GRIK1: variants seen among roughly 807,000 people sequenced by gnomAD.
GRIK1 encodes glutamate ionotropic receptor kainate type subunit 1, also known as glutamate receptor ionotropic, kainate 1.
GRIK1 carries 69 observed loss-of-function variants against 105.7 expected under a neutral mutation model. The observed-to-expected ratio is 0.65, with a 90% CI of 0.54 to 0.80. The LOEUF (loss-of-function observed/expected upper bound fraction) is 0.80. Ranked by LOEUF, GRIK1 falls within the 30% of genes least tolerant of loss-of-function variation. The probability of loss-of-function intolerance (pLI) is 0.00; values close to 1 mark genes in which losing one functional copy is unlikely to be tolerated. For missense variants in GRIK1, 1,109 were observed against 1,167.3 expected (o/e 0.95, Z 0.73); for synonymous variants, 438 against 431.3 (o/e 1.02, Z -0.19).
intron 3 of GRIK1, among the ~76,000 whole-genome samples, chr21:29,679,791 T>A (rs970859814): frequency 6.6e-6 from 1 of 152,200 alleles, no homozygotes; most frequent in African/African-American, 2.4e-5. Context: ...AGGTATGAAT[T>A]AAACCGTAAC....
chr21:29,870,471 TA>T (rs2068969894), intron 1 of GRIK1, among the ~76,000 whole-genome samples: 1 of 151,738 alleles, frequency 6.6e-6, no homozygotes, highest in African/African-American at 2.4e-5. Context: ...TATTTTACAC[TA>T]AATAAAATGT....
chr21:29,716,161 T>C (rs1208007380), intron 1 of GRIK1, among the ~76,000 whole-genome samples: 4 of 152,208 alleles, frequency 2.6e-5, no homozygotes, highest in Non-Finnish European at 4.4e-5. Flanking sequence ...GTAAGTTTCC[T>C]GAGGCCTCCC....
intron 1 of GRIK1, among the ~76,000 whole-genome samples, chr21:29,938,180 G>C (rs1470547759): frequency 6.6e-6 from 1 of 152,222 alleles, no homozygotes; most frequent in African/African-American, 2.4e-5. Flanking sequence ...AATTTCAACT[G>C]CTCAGGAAGC....
intron 1 of GRIK1, among the ~76,000 whole-genome samples, chr21:29,836,817 G>T (rs2067821537): frequency 6.6e-6 from 1 of 152,140 alleles, no homozygotes; most frequent in Admixed American, 6.5e-5. Context: ...GAAGTATAAA[G>T]CTTAGTTATC....
At chr21:29,792,800 G>A (rs2066456639) in intron 1 of GRIK1, among the ~76,000 whole-genome samples, 1 of 152,134 alleles carries the variant, frequency 6.6e-6, no homozygotes, top group South Asian at 2.1e-4. Context: ...GAAAGTGACA[G>A]TACAAACGTA....
chr21:29,731,597 A>G (rs146056130), intron 1 of GRIK1, among the ~76,000 whole-genome samples: 6 of 152,314 alleles, frequency 3.9e-5, no homozygotes, highest in African/African-American at 9.6e-5. Flanking sequence ...AATTTGCTCC[A>G]TTTTAATTTT....
At chr21:29,653,002 T>C (rs947196680) in intron 5 of GRIK1, among the ~76,000 whole-genome samples, 1 of 152,236 alleles carries the variant, frequency 6.6e-6, no homozygotes, top group African/African-American at 2.4e-5. Flanking sequence ...CAATACTGCC[T>C]TTTAAAGCAT....
intron 1 of GRIK1, among the ~76,000 whole-genome samples, chr21:29,789,811 C>A (rs572695104): frequency 5.3e-5 from 8 of 152,036 alleles, no homozygotes; most frequent in Non-Finnish European, 7.4e-5. Flanking sequence ...GCAGTAGAAA[C>A]CTGTAGAGAA....
intron 1 of GRIK1, among the ~76,000 whole-genome samples, chr21:29,870,363 A>C (rs1296821351): frequency 6.6e-6 from 1 of 152,146 alleles, no homozygotes; most frequent in African/African-American, 2.4e-5. Context: ...AATTTGCGAT[A>C]TCAATTGCCA....
intron 1 of GRIK1, among the ~76,000 whole-genome samples, chr21:29,843,453 A>G (rs1352075935): frequency 1.3e-5 from 2 of 152,242 alleles, no homozygotes; most frequent in African/African-American, 4.8e-5. Context: ...GATATGAAAC[A>G]TTACACAGAT....
chr21:29,883,394 A>C (rs2069497038), intron 1 of GRIK1, among the ~76,000 whole-genome samples: 1 of 152,042 alleles, frequency 6.6e-6, no homozygotes, highest in Non-Finnish European at 1.5e-5. Context: ...ATAGATTTGC[A>C]ATGGTTTTAC....
At chr21:29,934,005 T>A (rs1301308379) in intron 1 of GRIK1, among the ~76,000 whole-genome samples, 2 of 64,792 alleles carry the variant, frequency 3.1e-5, no homozygotes, top group Non-Finnish European at 7.2e-5. Context: ...TTAGAATATT[T>A]CCTATGTTAT....
rs566550112 is a variant in GRIK1 at position 29,847,338 on chromosome 21, G to A, written c.118+92045C>T. On this transcript the variant is annotated intron_variant, in intron 1 of 17. Coordinates refer to ENST00000327783, the MANE Select transcript of GRIK1 (RefSeq NM_001330994.2). ...TGGCCAGGAGCAGTGGCTCATGCCT[G>A]CAATCCCAGCACTTTGGGAGGCCCA... Among the ~76,000 whole-genome samples, 9 of 152,328 alleles carry A rather than the reference G, an allele frequency of 5.9e-5. No homozygotes were observed. In the South Asian group the frequency reaches 1.9e-3, roughly 32 times the overall value.
At chr21:29,749,847 TA>T (rs1391616174) in intron 1 of GRIK1, among the ~76,000 whole-genome samples, 1 of 152,234 alleles carries the variant, frequency 6.6e-6, no homozygotes, top group East Asian at 1.9e-4. Context: ...ATCTGTATAA[TA>T]AAACCTAGTC....
At chr21:29,793,126 A>C (rs985965669) in intron 1 of GRIK1, among the ~76,000 whole-genome samples, 1 of 152,186 alleles carries the variant, frequency 6.6e-6, no homozygotes, top group Non-Finnish European at 1.5e-5. Flanking sequence ...CAGGAGGAGG[A>C]TGGAGGAAAA....
chr21:29,625,946 G>A (rs1236484), intron 7 of GRIK1, among the ~76,000 whole-genome samples: 11,842 of 152,136 alleles, frequency 0.078, 627 homozygotes, highest in Non-Finnish European at 0.11. Flanking sequence ...GTATGTTGAA[G>A]CCCTAACCCC....
intron 1 of GRIK1, among the ~76,000 whole-genome samples, chr21:29,807,881 C>A (rs576935307): frequency 6.6e-6 from 1 of 152,222 alleles, no homozygotes; most frequent in Non-Finnish European, 1.5e-5. Context: ...CTGTGGAAGT[C>A]AGCTTTCCTC....
intron 4 of GRIK1, among the ~76,000 whole-genome samples, chr21:29,663,000 T>A (rs1332183998): frequency 6.6e-6 from 1 of 152,168 alleles, no homozygotes; most frequent in African/African-American, 2.4e-5. Flanking sequence ...GCTACAACAA[T>A]AATATTCACA....
chr21:29,801,507 A>G (rs931453378), intron 1 of GRIK1, among the ~76,000 whole-genome samples: 10 of 152,106 alleles, frequency 6.6e-5, no homozygotes, highest in Non-Finnish European at 1.2e-4. Flanking sequence ...TGAAACCTGG[A>G]TCATCATTTT....
Sources: allele counts gnomAD v4.1 joint callset (sites outside exome capture counted in the v4.1 genomes callset), GRCh38; gene constraint gnomAD v4.1.1; transcripts MANE v1.5; gene names NCBI Gene and HGNC (gene_info 2026-07-23, HGNC 2026-07-21).